The following RAB40C variants were observed in gnomAD, a reference collection of about 807,000 sequenced individuals.
RAB40C encodes ras-related protein Rab-40C.
In RAB40C, 8 loss-of-function variants were observed where a neutral mutation model predicts 28.1. The observed-to-expected ratio is 0.28, with a 90% CI of 0.17 to 0.51. The LOEUF (loss-of-function observed/expected upper bound fraction) is 0.51. RAB40C is among the 20% of genes least tolerant of loss of function. The pLI is 0.97. For missense variants in RAB40C, 288 were observed against 405.9 expected (o/e 0.71, Z 2.50); for synonymous variants, 201 against 171.7 (o/e 1.17, Z -1.34).
chr16:611,241 G>A (rs1333817907), intron 1 of RAB40C, among the ~76,000 whole-genome samples: 1 of 152,190 alleles, frequency 6.6e-6, no homozygotes, highest in Non-Finnish European at 1.5e-5. Context: ...CAGCAGCCAT[G>A]GCTCCTGGTG....
intron 1 of RAB40C, among the ~76,000 whole-genome samples, chr16:596,973 C>T (rs905814256): frequency 2.0e-5 from 3 of 152,170 alleles, no homozygotes; most frequent in Admixed American, 6.5e-5. Context: ...GATTTCTGGA[C>T]GTTTGTCCTT....
At chr16:592,422 G>C (rs2036020418) in intron 1 of RAB40C, among the ~76,000 whole-genome samples, 1 of 152,202 alleles carries the variant, frequency 6.6e-6, no homozygotes, top group African/African-American at 2.4e-5. Context: ...GCTTCAGCCT[G>C]GAGGAGGGGT....
chr16:600,719 T>C (rs555966038), intron 1 of RAB40C, among the ~76,000 whole-genome samples: 3 of 152,112 alleles, frequency 2.0e-5, no homozygotes, highest in Non-Finnish European at 4.4e-5. Flanking sequence ...ACCACTACAC[T>C]CCAGCCTGGG....
intron 1 of RAB40C, among the ~76,000 whole-genome samples, chr16:605,651 C>T (rs895824340): frequency 3.3e-5 from 5 of 152,196 alleles, no homozygotes; most frequent in Admixed American, 6.5e-5. Flanking sequence ...TTCCCCGCGC[C>T]GAGTGGTCTC....
intron 1 of RAB40C, among the ~76,000 whole-genome samples, chr16:592,397 A>C (rs1343467527): frequency 6.6e-6 from 1 of 152,032 alleles, no homozygotes; most frequent in African/African-American, 2.4e-5. Flanking sequence ...GGGGCTCTGG[A>C]AGCTTGTGCT....
chr16:623,015 A>G (rs1478857971), intron 3 of RAB40C, among the ~76,000 whole-genome samples: 2 of 151,792 alleles, frequency 1.3e-5, no homozygotes, highest in East Asian at 3.9e-4. Flanking sequence ...CCCACGCCGG[A>G]GCAAGCCTCC....
chr16:594,311 G>A (rs1022163446), intron 1 of RAB40C, among the ~76,000 whole-genome samples: 25 of 152,158 alleles, frequency 1.6e-4, no homozygotes, highest in African/African-American at 5.8e-4. Context: ...TGACACTCCG[G>A]TCCTTTGAGC....
chr16:621,304 G>A (rs891577336), intron 3 of RAB40C, among the ~76,000 whole-genome samples: 1 of 152,230 alleles, frequency 6.6e-6, no homozygotes, highest in Non-Finnish European at 1.5e-5. Flanking sequence ...GCATCCAGCC[G>A]AGGTGCAGAG....
intron 1 of RAB40C, among the ~76,000 whole-genome samples, chr16:590,645 G>T (rs1365562265): frequency 6.6e-6 from 1 of 152,240 alleles, no homozygotes; most frequent in African/African-American, 2.4e-5. Flanking sequence ...GGACCAGAGG[G>T]ACGCGCCCAG....
At chr16:619,901 G>A (rs908055209) in intron 3 of RAB40C, among the ~76,000 whole-genome samples, 4 of 152,242 alleles carry the variant, frequency 2.6e-5, no homozygotes, top group Non-Finnish European at 5.9e-5. Flanking sequence ...TGGGTGGGAA[G>A]GACGCCAGGG....
At chr16:605,801 G>A (rs911999568) in intron 1 of RAB40C, among the ~76,000 whole-genome samples, 8 of 152,308 alleles carry the variant, frequency 5.3e-5, no homozygotes, top group South Asian at 2.1e-4. Flanking sequence ...CTGTTGGGAC[G>A]TACTGAGGAG....
rs1220552619 is a variant in RAB40C at position 613,874 on chromosome 16, TGAG to T, written c.143-3330_143-3328del. Among the ~76,000 whole-genome samples the T allele has an allele frequency of 2.0e-5, 3 of 152,156 alleles. 1 individual carries two copies. Among genetic ancestry groups the T allele is most frequent in the Middle Eastern group, 6.8e-3 (2 of 294 alleles). ...TGGGTGACGTGCATAGCCCTGGACT[TGAG>T]GAGCAGGATTCCTGACTGGCTTGCT... On this transcript the variant is annotated intron_variant, in intron 1 of 5. Transcript: ENST00000248139.
intron 1 of RAB40C, among the ~76,000 whole-genome samples, chr16:601,784 CG>C (rs1334331793): frequency 1.6e-5 from 2 of 121,302 alleles, no homozygotes; most frequent in African/African-American, 6.4e-5. Context: ...GACTAGGCAA[CG>C]TAGCAAGGCC....
chr16:619,567 G>A (rs2036668854), intron 3 of RAB40C, among the ~76,000 whole-genome samples: 2 of 152,204 alleles, frequency 1.3e-5, no homozygotes, highest in Admixed American at 1.3e-4. Flanking sequence ...CAGTGGGAGG[G>A]ATTTGAGCGG....
chr16:607,579 G>T (rs1265593945), intron 1 of RAB40C, among the ~76,000 whole-genome samples: 4 of 151,526 alleles, frequency 2.6e-5, no homozygotes, highest in African/African-American at 9.7e-5. Flanking sequence ...CTAGGCGGGC[G>T]GATCACAAGG....
In RAB40C at chr16:613,389, G is replaced by A. The variant is rs369368447; in HGVS notation, c.143-3819G>A. Among the ~76,000 whole-genome samples, 173 of 152,054 alleles carry A rather than the reference G, an allele frequency of 1.1e-3. 2 individuals are homozygous for A. In the South Asian group the frequency reaches 0.034, roughly 30 times the overall value. ...TTTAGATTGAAGAGCAGGGACTGCC[G>A]CCCTCGCCTGTAGAATCAAGAGCAG... On this transcript the variant is annotated intron_variant, in intron 1 of 5. Transcript: ENST00000248139.
At chr16:613,810 G>T (rs1037948525) in intron 1 of RAB40C, among the ~76,000 whole-genome samples, 1 of 152,056 alleles carries the variant, frequency 6.6e-6, no homozygotes, top group Non-Finnish European at 1.5e-5. Context: ...TGGTCTTGGG[G>T]CCTTGGTGGG....
chr16:603,768 C>T lies in RAB40C; in HGVS notation c.142+13335C>T, dbSNP rs191787778. 5.2e-4 allele frequency among the ~76,000 whole-genome samples: 74 copies of T among 140,978 alleles called. 1 individual carries two copies. In the East Asian group the frequency reaches 0.019, roughly 36 times the overall value. The allele number at this position is 140,978 out of a possible 152,430, so 92.5% of individuals were successfully genotyped here. ...CTCCCAGAAAGCCCCTCAGGCCCTGCCGAGTCAGCCCCCAGCCCCCAGCAG... is the reference window on the plus strand; with the variant it reads ...CTCCCAGAAAGCCCCTCAGGCCCTGTCGAGTCAGCCCCCAGCCCCCAGCAG... On this transcript the variant is annotated intron_variant, in intron 1 of 5. Coordinates refer to ENST00000248139, the MANE Select transcript of RAB40C (RefSeq NM_021168.5).
intron 1 of RAB40C, among the ~76,000 whole-genome samples, chr16:597,790 C>T (rs1231659630): frequency 6.6e-6 from 1 of 151,702 alleles, no homozygotes; most frequent in African/African-American, 2.4e-5. Context: ...GTGCCCAGCC[C>T]AGCTCAGCAT....
Sources: gnomAD v4.1 joint callset for allele counts (sites outside exome capture counted in the v4.1 genomes callset) on GRCh38, gnomAD v4.1.1 for gene constraint, MANE v1.5 for transcripts, NCBI Gene and HGNC (gene_info 2026-07-23, HGNC 2026-07-21) for gene names.